HSD17B4: variants seen among roughly 807,000 people sequenced by gnomAD.
HSD17B4 encodes peroxisomal multifunctional enzyme type 2.
HSD17B4 carries 70 observed loss-of-function variants against 101.0 expected under a neutral mutation model. The observed-to-expected ratio is 0.69, with a 90% CI of 0.57 to 0.85. The LOEUF (loss-of-function observed/expected upper bound fraction) is 0.85, where lower values mean the gene tolerates loss of function less well. Among genes scored for constraint, HSD17B4 ranks in the 40% least tolerant of loss-of-function variants. The pLI, the probability that HSD17B4 is intolerant of heterozygous loss-of-function variation, is 0.00. For missense variants in HSD17B4, 984 were observed against 892.4 expected, an observed-to-expected ratio of 1.10 and a Z score of -1.31; for synonymous variants, 347 against 297.1, an observed-to-expected ratio of 1.17 and a Z score of -1.73.
chr5:119,455,853 C>T (rs771033248), intron 1 of HSD17B4, among the ~76,000 whole-genome samples: 1 of 152,118 alleles, frequency 6.6e-6, no homozygotes, highest in Non-Finnish European at 1.5e-5. Context: ...AGCACTGGCA[C>T]TAGGGACCTG....
At chr5:119,523,101 G>C (rs1003876397) in intron 17 of HSD17B4, among the ~76,000 whole-genome samples, 8 of 152,002 alleles carry the variant, frequency 5.3e-5, no homozygotes, top group African/African-American at 1.9e-4. Context: ...CTGTAGGCTT[G>C]AGATTTGTGT....
At chr5:119,473,063 T>A (rs910428429) in intron 2 of HSD17B4, among the ~76,000 whole-genome samples, 2 of 152,134 alleles carry the variant, frequency 1.3e-5, no homozygotes, top group African/African-American at 4.8e-5. Context: ...TCTTAGCTAT[T>A]GTGAATTGTG....
intron 2 of HSD17B4, among the ~76,000 whole-genome samples, chr5:119,469,789 G>T (rs1473005621): frequency 1.3e-5 from 2 of 151,838 alleles, no homozygotes; most frequent in African/African-American, 4.8e-5. Context: ...TAGGTGTTTG[G>T]TTTAGCTTCT....
intron 19 of HSD17B4, 70 bp downstream of exon 19, chr5:119,526,093 T>C: frequency 1.1e-6 from 1 of 898,574 alleles, no homozygotes; most frequent in South Asian, 1.3e-5. Context: ...AAAGGGGTTT[T>C]AGTGATTTAA....
At chr5:119,511,828 GC>G (rs2126823766) in intron 16 of HSD17B4, among the ~76,000 whole-genome samples, 1 of 152,290 alleles carries the variant, frequency 6.6e-6, no homozygotes. Context: ...TATCTGAAAT[GC>G]CCAGTTAGCA....
Position 119,536,471 on chromosome 5 carries a change from A to G in HSD17B4, c.2042A>G (p.Lys681Arg), listed in dbSNP as rs750904466. ...GGAAAAGTGTACCAAGGCCCTGCAAAAGGTGCTGCTGATACAACAATCATA... is the reference window on the plus strand; with the variant it reads ...GGAAAAGTGTACCAAGGCCCTGCAAGAGGTGCTGCTGATACAACAATCATA... ...GSGKVYQGPAKGAADTTIILS... is the reference protein window; with the variant it reads ...GSGKVYQGPARGAADTTIILS... Residue 681 changes from lysine (K) to arginine (R), a missense_variant, in exon 23 of 24, where the codon AAA becomes AGA. Transcript: ENST00000510025. 6.2e-7 allele frequency: 1 copy of G among 1,612,500 alleles called. No homozygotes were observed. Among genetic ancestry groups the G allele is most frequent in the Admixed American group, 1.7e-5 (1 of 59,870 alleles).
intron 14 of HSD17B4, among the ~76,000 whole-genome samples, chr5:119,505,245 T>C (rs1030355962): frequency 2.0e-5 from 3 of 152,038 alleles, no homozygotes; most frequent in African/African-American, 7.2e-5. Flanking sequence ...TCTGGTACCA[T>C]ATGAGTTTTA....
chr5:119,507,254 A>G (rs1475777589), intron 15 of HSD17B4, among the ~76,000 whole-genome samples: 1 of 152,202 alleles, frequency 6.6e-6, no homozygotes, highest in East Asian at 1.9e-4. Context: ...TGTTTTAGGT[A>G]TTCTTTAATG....
At chr5:119,474,696 C>G (rs10078097) in intron 4 of HSD17B4, among the ~76,000 whole-genome samples, 1 of 151,934 alleles carries the variant, frequency 6.6e-6, no homozygotes, top group Non-Finnish European at 1.5e-5. Flanking sequence ...AAAAAACTTA[C>G]GAGCGTTTAC....
chr5:119,521,332 A>G (rs186861063), intron 17 of HSD17B4, among the ~76,000 whole-genome samples: 60 of 152,216 alleles, frequency 3.9e-4, no homozygotes, highest in Non-Finnish European at 7.2e-4. Flanking sequence ...TTAAAGTCTA[A>G]TGGTTTTGCT....
At position 119,477,400 on chromosome 5, in the gene HSD17B4, ATAATT is replaced by A. The variant is rs769876698; in HGVS notation, c.350-14_350-10del. The A allele has an allele frequency of 1.9e-6, 3 of 1,541,528 alleles. No individual in the cohort carries two copies. On this transcript the variant is annotated splice_polypyrimidine_tract_variant and intron_variant, in intron 6 of 23. Transcript: ENST00000510025. ...AGTTTTTACAAAATATTTAATAAAA[ATAATT>A]TATTGTTTTAGATATAATCCACAGA...
In HSD17B4 at chr5:119,502,077, C is replaced by T; in HGVS notation, c.1246C>T (p.Pro416Ser). Residue 416 changes from proline to serine, a missense_variant, in exon 14 of 24, where the codon CCA (proline) becomes TCA (serine). Coordinates refer to ENST00000510025, the MANE Select transcript of HSD17B4 (RefSeq NM_000414.4). Reference sequence around the variant, plus strand: ...AGAGCAGTACTTAGAGTTATATAAACCACTTCCCAGAGCAGGTGAGTTATT... The same window carrying T: ...AGAGCAGTACTTAGAGTTATATAAATCACTTCCCAGAGCAGGTGAGTTATT... ...HGEQYLELYK[P>S]LPRAGKLKCE... is the part of the protein sequence containing the mutation. 1.2e-6 allele frequency: 2 copies of T among 1,602,230 alleles called. No homozygotes were observed. The highest frequency in any genetic ancestry group is 4.5e-5 in the East Asian group (2 of 44,782).
At chr5:119,529,530 G>T (rs1460876695) in intron 20 of HSD17B4, among the ~76,000 whole-genome samples, 1 of 152,054 alleles carries the variant, frequency 6.6e-6, no homozygotes, top group African/African-American at 2.4e-5. Context: ...CTGTTTATAA[G>T]AGTGCATCCC....
At chr5:119,484,065 G>A (rs1463258600) in intron 8 of HSD17B4, among the ~76,000 whole-genome samples, 1 of 152,008 alleles carries the variant, frequency 6.6e-6, no homozygotes, top group African/African-American at 2.4e-5. Flanking sequence ...AAGTCAAGCT[G>A]GACAGGGTGG....
At chr5:119,494,483 T>TA (rs1341717407) in intron 11 of HSD17B4, among the ~76,000 whole-genome samples, 3 of 152,044 alleles carry the variant, frequency 2.0e-5, no homozygotes, top group Admixed American at 6.6e-5. Flanking sequence ...TTGTCTTTGC[T>TA]ACTGTTTCTT....
At chr5:119,474,555 C>T in intron 4 of HSD17B4, 95 bp downstream of exon 4, 1 of 799,882 alleles carries the variant, frequency 1.3e-6, no homozygotes, top group South Asian at 1.4e-5. Context: ...ACAGATACCT[C>T]TTTCCTCATA....
chr5:119,500,778 T>C (rs1306022147), intron 13 of HSD17B4, among the ~76,000 whole-genome samples: 2 of 152,014 alleles, frequency 1.3e-5, no homozygotes, highest in East Asian at 3.8e-4. Flanking sequence ...AGGAGTATCA[T>C]GAGAATAGGG....
chr5:119,459,079 A>G (rs1178062343), intron 2 of HSD17B4, among the ~76,000 whole-genome samples: 1 of 152,242 alleles, frequency 6.6e-6, no homozygotes, highest in Non-Finnish European at 1.5e-5. Context: ...TTTCCGTGCT[A>G]CAGTTACATA....
intron 2 of HSD17B4, among the ~76,000 whole-genome samples, chr5:119,459,760 C>CA (rs1755028779): frequency 6.6e-6 from 1 of 152,074 alleles, no homozygotes; most frequent in Admixed American, 6.5e-5. Context: ...GTCTCACTCC[C>CA]ATGATAACCT....
Sources: gnomAD v4.1 joint callset for allele counts (sites outside exome capture counted in the v4.1 genomes callset) on GRCh38, gnomAD v4.1.1 for gene constraint, MANE v1.5 for transcripts, NCBI Gene and HGNC (gene_info 2026-07-23, HGNC 2026-07-21) for gene names.